Variants in DACH1 observed in about 807,000 individuals in gnomAD.
DACH1 encodes dachshund homolog 1.
DACH1 carries 12 observed loss-of-function variants against 54.2 expected under a neutral mutation model. That is an observed-to-expected ratio of 0.22 (90% CI 0.14 to 0.36). The LOEUF (loss-of-function observed/expected upper bound fraction) is 0.36. Ranked by LOEUF, DACH1 falls within the 10% of genes least tolerant of loss-of-function variation. The pLI is 1.00. For synonymous variants in DACH1, 386 were observed against 366.2 expected, an observed-to-expected ratio of 1.05 and a Z score of -0.62; for missense variants, 805 against 929.8, an observed-to-expected ratio of 0.87 and a Z score of 1.75.
intron 1 of DACH1, among the ~76,000 whole-genome samples, chr13:71,732,493 G>A (rs1488661661): frequency 1.3e-5 from 2 of 151,466 alleles, no homozygotes; most frequent in African/African-American, 4.9e-5. Flanking sequence ...GCTGAGACAG[G>A]AGAATCACTT....
intron 2 of DACH1, chr13:71,675,412 C>A: frequency 4.1e-6 from 6 of 1,455,106 alleles, no homozygotes; most frequent in Non-Finnish European, 5.7e-6. Flanking sequence ...CCATGCCAAA[C>A]GTGTAACAAT....
At chr13:71,855,499 T>C (rs1007225988) in intron 1 of DACH1, among the ~76,000 whole-genome samples, 1 of 152,010 alleles carries the variant, frequency 6.6e-6, no homozygotes, top group South Asian at 2.1e-4. Context: ...CCATTTGCAT[T>C]TATATGACAT....
At chr13:71,465,381 G>A (rs1328630128) in intron 10 of DACH1, among the ~76,000 whole-genome samples, 6 of 151,546 alleles carry the variant, frequency 4.0e-5, no homozygotes, top group Non-Finnish European at 8.8e-5. Context: ...ACATTTCTCA[G>A]AAAAAAAATT....
chr13:71,482,676 T>C (rs1173637582), intron 7 of DACH1, among the ~76,000 whole-genome samples: 2 of 152,218 alleles, frequency 1.3e-5, no homozygotes, highest in African/African-American at 2.4e-5. Flanking sequence ...TCTTTATTAT[T>C]CTTTTAATGT....
intron 1 of DACH1, among the ~76,000 whole-genome samples, chr13:71,813,937 T>C (rs563770900): frequency 6.6e-6 from 1 of 152,252 alleles, no homozygotes; most frequent in African/African-American, 2.4e-5. Context: ...GCTTAAATGG[T>C]GACGTTAAGC....
At chr13:71,587,912 C>T (rs1873399862) in intron 3 of DACH1, among the ~76,000 whole-genome samples, 1 of 152,022 alleles carries the variant, frequency 6.6e-6, no homozygotes, top group Non-Finnish European at 1.5e-5. Context: ...GCTGCAGCAC[C>T]TTGTTACTGC....
intron 1 of DACH1, among the ~76,000 whole-genome samples, chr13:71,862,284 C>T (rs1874409744): frequency 6.6e-6 from 1 of 151,906 alleles, no homozygotes; most frequent in Non-Finnish European, 1.5e-5. Context: ...TGAATCCTAA[C>T]CCAAATCTAC....
In DACH1 at chr13:71,492,772, T is replaced by C. The variant is rs1271773451; in HGVS notation, c.1571-3624A>G. On this transcript the variant is annotated intron_variant, in intron 6 of 10. Transcript: ENST00000613252. ...GTGTGTGTGTGTGTGAGTGTATGTG[T>C]GTGTGTATGGTGTGAGGGAGGGTGC... Among the ~76,000 whole-genome samples, 3 of 151,772 alleles carry C rather than the reference T, an allele frequency of 2.0e-5. No homozygotes were observed. The Admixed American group carries it at 2.0e-4, about 10-fold the overall frequency.
chr13:71,849,136 A>G (rs917821980), intron 1 of DACH1, among the ~76,000 whole-genome samples: 6 of 152,346 alleles, frequency 3.9e-5, no homozygotes, highest in Non-Finnish European at 7.3e-5. Flanking sequence ...TGTGGGAAAC[A>G]TTTCCTAAAA....
At chr13:71,670,023 CAAA>C in intron 2 of DACH1, among the ~76,000 whole-genome samples, 1 of 113,580 alleles carries the variant, frequency 8.8e-6, no homozygotes, top group African/African-American at 3.1e-5. Context: ...CTAAATTAGC[CAAA>C]AAAAAAAAAA....
intron 1 of DACH1, among the ~76,000 whole-genome samples, chr13:71,706,993 G>A (rs1174992908): frequency 6.6e-6 from 1 of 152,114 alleles, no homozygotes; most frequent in East Asian, 1.9e-4. Flanking sequence ...TAAAGTCTTA[G>A]ATAAACACAC....
At chr13:71,446,469 A>AAAC (rs1874475570) in intron 10 of DACH1, among the ~76,000 whole-genome samples, 1 of 152,216 alleles carries the variant, frequency 6.6e-6, no homozygotes, top group African/African-American at 2.4e-5. Flanking sequence ...TTTTAAGTCT[A>AAAC]AACTTTCCAC....
At chr13:71,462,448 A>G (rs775578026) in intron 10 of DACH1, among the ~76,000 whole-genome samples, 2 of 151,852 alleles carry the variant, frequency 1.3e-5, no homozygotes, top group Non-Finnish European at 2.9e-5. Context: ...ATGCTCTGGA[A>G]AATCTGGTGA....
intron 2 of DACH1, among the ~76,000 whole-genome samples, chr13:71,638,116 T>C (rs748600635): frequency 5.9e-5 from 9 of 152,222 alleles, no homozygotes; most frequent in Non-Finnish European, 1.0e-4. Flanking sequence ...TAGTTTGTGT[T>C]AGTTTGCTTA....
intron 4 of DACH1, among the ~76,000 whole-genome samples, chr13:71,562,638 G>A (rs1306144022): frequency 6.6e-6 from 1 of 152,042 alleles, no homozygotes; most frequent in Non-Finnish European, 1.5e-5. Flanking sequence ...CTAACAAAAT[G>A]AAGCATGTAT....
intron 1 of DACH1, among the ~76,000 whole-genome samples, chr13:71,697,708 T>C (rs1346660548): frequency 3.3e-5 from 5 of 152,182 alleles, no homozygotes; most frequent in Non-Finnish European, 7.4e-5. Context: ...TTATCAAAAA[T>C]AAACCACCTT....
At chr13:71,623,819 G>T (rs1232305325) in intron 3 of DACH1, among the ~76,000 whole-genome samples, 1 of 151,680 alleles carries the variant, frequency 6.6e-6, no homozygotes, top group Admixed American at 6.6e-5. Context: ...GACTTATTTT[G>T]CTCTCTGCTC....
At chr13:71,632,537 C>A (rs1351911652) in intron 2 of DACH1, among the ~76,000 whole-genome samples, 1 of 151,836 alleles carries the variant, frequency 6.6e-6, no homozygotes, top group Non-Finnish European at 1.5e-5. Flanking sequence ...AGCCTGAGCA[C>A]CGCTCTCCTC....
At chr13:71,482,682 A>C (rs1239367619) in intron 7 of DACH1, among the ~76,000 whole-genome samples, 1 of 151,956 alleles carries the variant, frequency 6.6e-6, no homozygotes, top group Non-Finnish European at 1.5e-5. Context: ...TTATTCTTTT[A>C]ATGTTTCCCT....
Sources: gnomAD v4.1 joint callset for allele counts (sites outside exome capture counted in the v4.1 genomes callset) on GRCh38, gnomAD v4.1.1 for gene constraint, MANE v1.5 for transcripts, NCBI Gene and HGNC (gene_info 2026-07-23, HGNC 2026-07-21) for gene names.